Variants in MYO16 observed in about 807,000 individuals in gnomAD.
MYO16 encodes unconventional myosin-XVI.
A neutral mutation model predicts 205.3 loss-of-function variants in MYO16; 94 were observed. The observed-to-expected ratio is 0.46, with a 90% CI of 0.39 to 0.54. The LOEUF (loss-of-function observed/expected upper bound fraction) is 0.54, where lower values mean the gene tolerates loss of function less well. Among genes scored for constraint, MYO16 ranks in the 20% least tolerant of loss-of-function variants. The pLI is 0.00. For synonymous variants in MYO16, 988 were observed against 954.0 expected, an observed-to-expected ratio of 1.04 and a Z score of -0.66; for missense variants, 2,315 against 2,387.5, an observed-to-expected ratio of 0.97 and a Z score of 0.63.
the MYO16 span, among the ~76,000 whole-genome samples, chr13:108,586,644 G>T: frequency 1.3e-5 from 2 of 152,152 alleles, no homozygotes; most frequent in Non-Finnish European, 2.9e-5. Flanking sequence ...ATGTCATGTA[G>T]GTGAAAAATG....
chr13:109,024,074 A>G (rs1293502238), intron 23 of MYO16, among the ~76,000 whole-genome samples: 1 of 146,888 alleles, frequency 6.8e-6, no homozygotes, highest in Admixed American at 6.9e-5. Flanking sequence ...TTATTTAAAT[A>G]TAAATTTATA....
chr13:108,875,887 C>T (rs142873463), intron 12 of MYO16, among the ~76,000 whole-genome samples: 102 of 152,000 alleles, frequency 6.7e-4, no homozygotes, highest in Middle Eastern at 3.4e-3. Flanking sequence ...AAAATGAAAA[C>T]GAAAAAATGT....
chr13:109,117,547 T>C (rs1265779993), intron 28 of MYO16, among the ~76,000 whole-genome samples: 1 of 149,252 alleles, frequency 6.7e-6, no homozygotes, highest in Non-Finnish European at 1.5e-5. Flanking sequence ...ATATATATAA[T>C]GGTAAATATG....
chr13:108,852,578 C>G (rs1877937767), intron 10 of MYO16, among the ~76,000 whole-genome samples: 1 of 152,214 alleles, frequency 6.6e-6, no homozygotes, highest in South Asian at 2.1e-4. Context: ...TGAACGAGAA[C>G]TCTGATTCCT....
At chr13:108,972,882 T>C (rs754078349) in intron 20 of MYO16, among the ~76,000 whole-genome samples, 3 of 151,914 alleles carry the variant, frequency 2.0e-5, no homozygotes, top group Non-Finnish European at 4.4e-5. Context: ...TTTTTTCTTT[T>C]AAGAAAAATA....
At chr13:109,050,301 C>T (rs896213321) in intron 24 of MYO16, among the ~76,000 whole-genome samples, 1 of 151,814 alleles carries the variant, frequency 6.6e-6, no homozygotes, top group Non-Finnish European at 1.5e-5. Context: ...TCGTAGAAAT[C>T]GCTCTGTTTG....
At chr13:108,626,308 T>C (rs2139344125), upstream of MYO16, among the ~76,000 whole-genome samples, 1 of 152,320 alleles carries the variant, frequency 6.6e-6, no homozygotes, top group East Asian at 1.9e-4. Flanking sequence ...TAGTTCATTG[T>C]AATAATACTG....
At chr13:108,736,378 C>T (rs2139602087) in intron 4 of MYO16, among the ~76,000 whole-genome samples, 2 of 152,292 alleles carry the variant, frequency 1.3e-5, no homozygotes, top group South Asian at 2.1e-4. Context: ...CCAGTTTTCC[C>T]AGCACCATTT....
chr13:109,198,139 A>G (rs1880236655), intron 34 of MYO16, among the ~76,000 whole-genome samples: 1 of 152,106 alleles, frequency 6.6e-6, no homozygotes, highest in Admixed American at 6.6e-5. Context: ...AGTATAAATA[A>G]TATTACTTCT....
At chr13:108,866,131 T>C (rs533111872) in intron 11 of MYO16, 46 bp from the exon 12 acceptor site, 10 of 1,182,678 alleles carry the variant, frequency 8.5e-6, no homozygotes, top group African/African-American at 1.6e-5. Context: ...TGTTTAAAGA[T>C]GCTATTTATA....
chr13:109,196,984 T>C (rs2139959556), intron 34 of MYO16, among the ~76,000 whole-genome samples: 1 of 152,330 alleles, frequency 6.6e-6, no homozygotes, highest in African/African-American at 2.4e-5. Flanking sequence ...GTACCTATTA[T>C]AGAACAGTAC....
the MYO16 span, among the ~76,000 whole-genome samples, chr13:108,564,144 A>G: frequency 6.6e-6 from 1 of 150,394 alleles, no homozygotes; most frequent in Non-Finnish European, 1.5e-5. Flanking sequence ...TCTTCTTTTC[A>G]GAAATGTTTA....
At chr13:108,554,247 G>GA in the MYO16 span, among the ~76,000 whole-genome samples, 91 of 147,456 alleles carry the variant, frequency 6.2e-4, no homozygotes, top group African/African-American at 1.3e-3. Context: ...CTTAAAAAAA[G>GA]AAAAAAAAAA....
chr13:108,856,641 T>A (rs1308689188), intron 11 of MYO16, among the ~76,000 whole-genome samples: 5 of 149,530 alleles, frequency 3.3e-5, no homozygotes, highest in Admixed American at 1.3e-4. Flanking sequence ...TTGTGTTGAT[T>A]TTTTTTGTCT....
chr13:108,999,871 T>A (rs1885155195), intron 21 of MYO16, among the ~76,000 whole-genome samples: 2 of 152,298 alleles, frequency 1.3e-5, no homozygotes, highest in South Asian at 4.1e-4. Flanking sequence ...TTGATGCCCC[T>A]TTTGTTTGTA....
At chr13:108,732,444 A>T (rs1884553405) in intron 4 of MYO16, among the ~76,000 whole-genome samples, 2 of 152,218 alleles carry the variant, frequency 1.3e-5, no homozygotes, top group African/African-American at 2.4e-5. Flanking sequence ...AAAAGGTGAC[A>T]TGTGAGCCGG....
At chr13:108,669,397 A>G (rs77189545) in intron 2 of MYO16, among the ~76,000 whole-genome samples, 3,173 of 152,236 alleles carry the variant, frequency 0.021, 90 homozygotes, top group African/African-American at 0.071. Context: ...GTAGGAAAAC[A>G]GGAATGGACA....
Position 109,140,514 on chromosome 13 carries a change from C to A in MYO16, c.4302C>A (p.Tyr1434Ter). The A allele has an allele frequency of 6.4e-7, 1 of 1,552,676 alleles. No homozygotes were observed. The highest frequency in any genetic ancestry group is 1.9e-5 in the Admixed American group (1 of 54,016). ...PGDEDDSEPV[Y>*]IEMLGHAARP... The stretch of plus-strand genomic sequence containing the variant: ...ACGAGGACGACAGCGAGCCTGTGTA[C>A]ATCGAGATGCTGGGGCACGCGGCCA... The change falls in exon 32 of 35, where the codon TAC becomes TAA. Residue 1434 changes from tyrosine (Y) to a stop codon, truncating the protein, a stop_gained. Transcript: ENST00000457511. LOFTEE classifies it high-confidence loss of function. This position sits in a 1 kb window ranked among gnomAD's most constrained non-coding sequence, Gnocchi z 8.0.
intron 1 of MYO16, among the ~76,000 whole-genome samples, chr13:108,644,368 CTATCT>C: frequency 2.3e-5 from 1 of 43,962 alleles, no homozygotes; most frequent in Non-Finnish European, 5.7e-5. Flanking sequence ...GTCTGTCTAT[CTATCT>C]ATCTATCTAT....
Sources: allele counts gnomAD v4.1 joint callset (sites outside exome capture counted in the v4.1 genomes callset), GRCh38; gene constraint gnomAD v4.1.1; non-coding constraint Gnocchi (gnomAD v3.1); transcripts MANE v1.5; gene names NCBI Gene and HGNC (gene_info 2026-07-23, HGNC 2026-07-21).